The following TTC3 variants were observed in gnomAD, a reference collection of about 807,000 sequenced individuals.
The protein encoded by TTC3 is E3 ubiquitin-protein ligase TTC3.
TTC3 carries 180 observed loss-of-function variants against 249.6 expected under a neutral mutation model. That is an observed-to-expected ratio of 0.72 (90% CI 0.64 to 0.82). The LOEUF is 0.82. Among genes scored for constraint, TTC3 ranks in the 40% least tolerant of loss-of-function variants. The pLI, the probability that TTC3 is intolerant of heterozygous loss-of-function variation, is 0.00. For synonymous variants in TTC3, 717 were observed against 805.0 expected, an observed-to-expected ratio of 0.89 and a Z score of 1.85; for missense variants, 2,061 against 2,398.4, an observed-to-expected ratio of 0.86 and a Z score of 2.94.
At chr21:37,169,324 A>G (rs1180767266) in intron 34 of TTC3, among the ~76,000 whole-genome samples, 1 of 152,176 alleles carries the variant, frequency 6.6e-6, no homozygotes, top group Non-Finnish European at 1.5e-5. Context: ...CTATATTACC[A>G]CATACATAGA....
chr21:37,105,569 G>C (rs2075001551), intron 10 of TTC3, among the ~76,000 whole-genome samples: 1 of 152,102 alleles, frequency 6.6e-6, no homozygotes, highest in African/African-American at 2.4e-5. Context: ...AGTGCAGCTG[G>C]AATTTTCAGA....
At chr21:37,140,488 C>A in intron 19 of TTC3, 73 bp from the exon 20 acceptor site, 2 of 1,055,044 alleles carry the variant, frequency 1.9e-6, no homozygotes, top group Non-Finnish European at 2.6e-6. Flanking sequence ...TAAAAAAAAT[C>A]AACCTTTAGA....
At chr21:37,170,228 G>A (rs879478940) in intron 34 of TTC3, among the ~76,000 whole-genome samples, 3 of 152,160 alleles carry the variant, frequency 2.0e-5, no homozygotes, top group Non-Finnish European at 4.4e-5. Context: ...TGTGCAGTGT[G>A]AAACAGATAG....
At chr21:37,161,922 AATGATTTT>A in intron 30 of TTC3, 60 bp from the exon 31 acceptor site, 1 of 966,806 alleles carries the variant, frequency 1.0e-6, no homozygotes, top group Non-Finnish European at 1.4e-6. Flanking sequence ...CATCAATTTT[AATGATTTT>A]TCTCTTTAAT....
chr21:37,157,001 A>G, intron 28 of TTC3, 95 bp downstream of exon 28: 15 of 1,457,232 alleles, frequency 1.0e-5, no homozygotes, highest in Non-Finnish European at 1.4e-5. Context: ...AACAAAGAAA[A>G]TAGTGAAAAT....
chr21:37,094,703 A>G (rs2073724433), intron 8 of TTC3, among the ~76,000 whole-genome samples: 1 of 152,208 alleles, frequency 6.6e-6, no homozygotes, highest in African/African-American at 2.4e-5. Context: ...AGCCTTATAG[A>G]TAAGGTATAT....
At chr21:37,128,507 G>C (rs1022644433) in intron 15 of TTC3, among the ~76,000 whole-genome samples, 37 of 152,168 alleles carry the variant, frequency 2.4e-4, no homozygotes, top group African/African-American at 8.2e-4. Flanking sequence ...TATCCAAATC[G>C]TACTTCTTCC....
intron 35 of TTC3, among the ~76,000 whole-genome samples, chr21:37,173,651 T>C (rs1212437733): frequency 6.6e-6 from 1 of 152,196 alleles, no homozygotes; most frequent in Admixed American, 6.5e-5. Context: ...TGGGATAACA[T>C]ATTAAATAGA....
chr21:37,090,167 T>A, intron 5 of TTC3, 66 bp from the exon 6 acceptor site: 1 of 1,266,390 alleles, frequency 7.9e-7, no homozygotes, highest in Non-Finnish European at 1.1e-6. Context: ...AGGCCATTTT[T>A]CCGTTAGAAA....
intron 35 of TTC3, among the ~76,000 whole-genome samples, chr21:37,175,527 G>A (rs1373018316): frequency 6.8e-6 from 1 of 147,398 alleles, no homozygotes; most frequent in Non-Finnish European, 1.5e-5. Flanking sequence ...AACCCAGGAG[G>A]CAGAGGTTGC....
At position 37,115,963 on chromosome 21, in the gene TTC3, T is replaced by C. The variant is rs144303702; in HGVS notation, c.901-5854T>C. 1.5e-3 allele frequency among the ~76,000 whole-genome samples: 224 copies of C among 152,356 alleles called. 2 individuals are homozygous for C. The highest frequency in any genetic ancestry group is 4.9e-3 in the African/African-American group (205 of 41,586). On this transcript the variant is annotated intron_variant, in intron 11 of 45. Coordinates refer to ENST00000355666, the Ensembl canonical transcript of TTC3. Reference sequence around the variant, plus strand: ...CCTACGCATTTCTTATCTTCTTTCCTTGCTTTACTTTTTTCTTCTTAGGAC... The same window carrying C: ...CCTACGCATTTCTTATCTTCTTTCCCTGCTTTACTTTTTTCTTCTTAGGAC...
chr21:37,143,459 A>C (rs976657336), intron 20 of TTC3, among the ~76,000 whole-genome samples: 132 of 152,286 alleles, frequency 8.7e-4, no homozygotes, highest in African/African-American at 2.9e-3. Context: ...TCTCAAAAGA[A>C]GACATTTATG....
intron 35 of TTC3, among the ~76,000 whole-genome samples, chr21:37,175,960 G>A (rs1238548370): frequency 2.0e-5 from 3 of 151,992 alleles, no homozygotes; most frequent in Admixed American, 1.3e-4. Flanking sequence ...TAGTAGAGAT[G>A]GGGTGTCGCC....
chr21:37,195,666 T>A lies in TTC3; in HGVS notation c.5218-9T>A, dbSNP rs373404501. 2.5e-6 allele frequency: 4 copies of A among 1,593,756 alleles called. No homozygotes were observed. In the African/African-American group the frequency reaches 5.4e-5, roughly 21 times the overall value. ...CTAAGTGATCCATGGTGTGGTGTGT[T>A]CCTCACAGGTTCATCCCGAGTTACT... is the stretch of plus-strand genomic sequence containing the variant. On this transcript the variant is annotated splice_polypyrimidine_tract_variant and intron_variant, in intron 41 of 45. Transcript: ENST00000355666.
intron 20 of TTC3, among the ~76,000 whole-genome samples, chr21:37,143,784 A>G (rs1354920188): frequency 7.3e-6 from 1 of 137,002 alleles, no homozygotes; most frequent in East Asian, 2.1e-4. Context: ...CTATAAAGAC[A>G]CATGCACACA....
chr21:37,104,314 G>A (rs373160129), intron 10 of TTC3, among the ~76,000 whole-genome samples: 1 of 152,222 alleles, frequency 6.6e-6, no homozygotes, highest in East Asian at 1.9e-4. Flanking sequence ...TGAAGGCCAG[G>A]CATGGTGACT....
intron 35 of TTC3, among the ~76,000 whole-genome samples, chr21:37,173,385 C>A (rs949053745): frequency 6.6e-6 from 1 of 152,134 alleles, no homozygotes; most frequent in African/African-American, 2.4e-5. Context: ...ACTGTAAAGT[C>A]ACCCAGAGTA....
At chr21:37,127,331 A>G (rs2077114465) in intron 15 of TTC3, among the ~76,000 whole-genome samples, 1 of 152,152 alleles carries the variant, frequency 6.6e-6, no homozygotes, top group Admixed American at 6.5e-5. Flanking sequence ...GCTAAGTCTC[A>G]TTTGTTTTAA....
intron 24 of TTC3, 57 bp from the exon 25 acceptor site, chr21:37,150,763 G>T: frequency 7.1e-6 from 8 of 1,120,138 alleles, no homozygotes; most frequent in Non-Finnish European, 1.1e-5. Flanking sequence ...TTGTGGTTTT[G>T]TGTTTTATGT....
Sources: gnomAD v4.1 joint callset for allele counts (sites outside exome capture counted in the v4.1 genomes callset) on GRCh38, gnomAD v4.1.1 for gene constraint, MANE v1.5 for transcripts, NCBI Gene and HGNC (gene_info 2026-07-23, HGNC 2026-07-21) for gene names.